Variants in ATP9B observed in about 807,000 individuals in gnomAD.
ATP9B encodes the protein ATPase phospholipid transporting 9B, also known as probable phospholipid-transporting ATPase IIB.
Under a neutral mutation model 146.1 loss-of-function variants are expected in ATP9B, and 110 were observed. That is an observed-to-expected ratio of 0.75 (90% CI 0.65 to 0.88). ATP9B has a LOEUF of 0.88. Among genes scored for constraint, ATP9B ranks in the 40% least tolerant of loss-of-function variants. The pLI, the probability that ATP9B is intolerant of heterozygous loss-of-function variation, is 0.00. For synonymous variants in ATP9B, 604 were observed against 569.7 expected, an observed-to-expected ratio of 1.06 and a Z score of -0.86; for missense variants, 1,499 against 1,496.4, an observed-to-expected ratio of 1.00 and a Z score of -0.03.
rs1336942864 is a variant in ATP9B at position 79,332,044 on chromosome 18, C to T, written c.2028+1940C>T. 2.6e-5 allele frequency among the ~76,000 whole-genome samples: 4 copies of T among 152,230 alleles called. No homozygotes were observed. In the East Asian group the frequency reaches 7.7e-4, roughly 29 times the overall value. The stretch of plus-strand genomic sequence containing the variant: ...CTGTTGAACGAAGCCATACTAATAA[C>T]ATGGATAAATCGATTAACACATTGT... On this transcript the variant is annotated intron_variant, in intron 17 of 29. Coordinates refer to ENST00000426216, the MANE Select transcript of ATP9B (RefSeq NM_198531.5).
chr18:79,195,390 G>C (rs2095408888), intron 9 of ATP9B, among the ~76,000 whole-genome samples: 1 of 152,156 alleles, frequency 6.6e-6, no homozygotes, highest in Non-Finnish European at 1.5e-5. Flanking sequence ...CGGGATCATA[G>C]ACATGAGAGC....
At chr18:79,078,370 C>G (rs2072869466) in intron 1 of ATP9B, among the ~76,000 whole-genome samples, 1 of 152,072 alleles carries the variant, frequency 6.6e-6, no homozygotes, top group Admixed American at 6.5e-5. Flanking sequence ...ATACTGGAAA[C>G]TCACTGTTGT....
intron 11 of ATP9B, among the ~76,000 whole-genome samples, chr18:79,216,711 TC>T (rs1012420755): frequency 9.8e-5 from 15 of 152,332 alleles, no homozygotes; most frequent in Admixed American, 8.5e-4. Flanking sequence ...TTTTCCCTGT[TC>T]CTCTCTTCCT....
At chr18:79,165,068 C>T (rs1247543995) in intron 7 of ATP9B, among the ~76,000 whole-genome samples, 4 of 152,188 alleles carry the variant, frequency 2.6e-5, no homozygotes, top group Non-Finnish European at 5.9e-5. Flanking sequence ...TACCATGATA[C>T]GAGTTCCCAG....
intron 6 of ATP9B, among the ~76,000 whole-genome samples, chr18:79,149,443 C>T (rs1427186172): frequency 6.6e-6 from 1 of 151,324 alleles, no homozygotes; most frequent in Non-Finnish European, 1.5e-5. Flanking sequence ...AGATCATGGA[C>T]TTAATGTAAA....
At chr18:79,210,593 G>A (rs2095575317) in intron 10 of ATP9B, among the ~76,000 whole-genome samples, 2 of 152,200 alleles carry the variant, frequency 1.3e-5, no homozygotes, top group African/African-American at 4.8e-5. Flanking sequence ...CTCAGTTCAC[G>A]GTCTTCATCA....
At chr18:79,305,975 C>T (rs1433641528) in intron 14 of ATP9B, among the ~76,000 whole-genome samples, 2 of 152,256 alleles carry the variant, frequency 1.3e-5, no homozygotes, top group Admixed American at 6.5e-5. Flanking sequence ...ACAAGCATCA[C>T]TAAACATCAC....
At chr18:79,279,486 C>T (rs933966305) in intron 13 of ATP9B, among the ~76,000 whole-genome samples, 2 of 152,054 alleles carry the variant, frequency 1.3e-5, no homozygotes, top group African/African-American at 4.8e-5. Context: ...CCAAAGAAAA[C>T]AAATTCATAG....
intron 7 of ATP9B, among the ~76,000 whole-genome samples, chr18:79,161,840 C>CGTCTCAAAAAAAAGGA (rs2094887357): frequency 6.6e-6 from 1 of 151,396 alleles, no homozygotes; most frequent in African/African-American, 2.4e-5. Flanking sequence ...AGCGAGACTC[C>CGTCTCAAAAAAAAGGA]GTCTCAAAAA....
intron 11 of ATP9B, among the ~76,000 whole-genome samples, chr18:79,227,372 G>A (rs939721359): frequency 2.1e-5 from 3 of 140,886 alleles, no homozygotes; most frequent in African/African-American, 7.8e-5. Flanking sequence ...GAGTCAGGCC[G>A]CGTGTGTGTG....
chr18:79,330,554 A>G (rs1425029927), intron 17 of ATP9B, among the ~76,000 whole-genome samples: 3 of 152,078 alleles, frequency 2.0e-5, no homozygotes, highest in African/African-American at 7.2e-5. Context: ...CTGGGACTAC[A>G]GGCACCCGCC....
At chr18:79,198,058 AG>A (rs1392626326) in intron 9 of ATP9B, among the ~76,000 whole-genome samples, 15 of 152,204 alleles carry the variant, frequency 9.9e-5, no homozygotes, top group African/African-American at 3.6e-4. Context: ...TCCCAACTAT[AG>A]TTGAATATAA....
chr18:79,174,535 A>G (rs555787930), intron 7 of ATP9B, among the ~76,000 whole-genome samples: 5 of 152,216 alleles, frequency 3.3e-5, no homozygotes, highest in Non-Finnish European at 5.9e-5. Context: ...TGCGCTTGGT[A>G]CAGGTGTCTC....
chr18:79,323,241 G>A (rs111802454), intron 15 of ATP9B, among the ~76,000 whole-genome samples: 5 of 151,660 alleles, frequency 3.3e-5, no homozygotes, highest in East Asian at 1.9e-4. Flanking sequence ...TCCGTTTATC[G>A]TTGCTTCGTG....
Position 79,311,505 on chromosome 18 carries a change from G to A in ATP9B, c.1773+4271G>A, listed in dbSNP as rs919185768. On this transcript the variant is annotated intron_variant, in intron 15 of 29. Coordinates refer to ENST00000426216, the MANE Select transcript of ATP9B (RefSeq NM_198531.5). ...TGGTATTCGACAAAGTATAAGCCAC[G>A]GCTAGACTTCAAGGAAAACAAGCTT... 9.2e-5 allele frequency among the ~76,000 whole-genome samples: 14 copies of A among 152,142 alleles called. No homozygotes were observed. The South Asian group carries it at 2.5e-3, about 27-fold the overall frequency.
At chr18:79,198,125 A>G (rs1031850642) in intron 9 of ATP9B, among the ~76,000 whole-genome samples, 1 of 152,202 alleles carries the variant, frequency 6.6e-6, no homozygotes, top group South Asian at 2.1e-4. Flanking sequence ...TAATTACAAT[A>G]TGGAATTAGA....
intron 6 of ATP9B, chr18:79,144,731 T>C (rs532612104): frequency 4.6e-5 from 5 of 108,838 alleles, no homozygotes; most frequent in African/African-American, 2.5e-4. Flanking sequence ...TTTATTTTTG[T>C]TTTATTCTTA....
Position 79,337,307 on chromosome 18 carries a change from T to C in ATP9B, c.2141T>C (p.Met714Thr), listed in dbSNP as rs2096833174. ...CGATACACTCAAGCCAAGCTGAGCATGCACGACAGGTCCCTCAAGGTGGCC... is the reference window on the plus strand; with the variant it reads ...CGATACACTCAAGCCAAGCTGAGCACGCACGACAGGTCCCTCAAGGTGGCC... Reference protein sequence around the residue: ...ESRYTQAKLSMHDRSLKVAAV... With the variant: ...ESRYTQAKLSTHDRSLKVAAV... Residue 714 changes from methionine (M) to threonine (T), a missense_variant, in exon 19 of 30, where the codon ATG becomes ACG. Coordinates refer to ENST00000426216, the MANE Select transcript of ATP9B (RefSeq NM_198531.5). 1.2e-6 allele frequency: 2 copies of C among 1,613,944 alleles called. No homozygotes were observed. Among genetic ancestry groups the C allele is most frequent in the Admixed American group, 3.3e-5 (2 of 60,002 alleles).
intron 13 of ATP9B, among the ~76,000 whole-genome samples, chr18:79,280,847 T>G (rs2096368819): frequency 6.6e-6 from 1 of 152,300 alleles, no homozygotes; most frequent in Admixed American, 6.5e-5. Flanking sequence ...ATCTCTGCAT[T>G]TTTAGAAATT....
Sources: allele counts gnomAD v4.1 joint callset (sites outside exome capture counted in the v4.1 genomes callset), GRCh38; gene constraint gnomAD v4.1.1; transcripts MANE v1.5; gene names NCBI Gene and HGNC (gene_info 2026-07-23, HGNC 2026-07-21).